RGS20: variants seen among roughly 807,000 people sequenced by gnomAD.
RGS20 encodes the protein regulator of G protein signaling 20.
A neutral mutation model predicts 33.6 loss-of-function variants in RGS20; 30 were observed. The ratio of observed to expected loss-of-function variants is 0.89; its 90% confidence interval spans 0.67 to 1.21. The LOEUF (loss-of-function observed/expected upper bound fraction) is 1.21. Among genes scored for constraint, RGS20 ranks in the 50% most tolerant of loss-of-function variants. The pLI is 0.00. For missense variants in RGS20, 472 were observed against 502.4 expected (o/e 0.94, Z 0.58); for synonymous variants, 208 against 197.9 (o/e 1.05, Z -0.43).
In RGS20 at chr8:53,880,769, G is replaced by T. The variant is rs1007598338; in HGVS notation, c.510+1167G>T. The T allele has an allele frequency of 2.5e-5, 28 of 1,099,252 alleles. No individual in the cohort carries two copies. The East Asian group carries it at 8.2e-4, about 32-fold the overall frequency. The allele number at this position is 1,099,252 out of a possible 1,614,324, so 68.1% of individuals were successfully genotyped here. A position where few individuals can be genotyped will look rare whatever the true frequency, so the allele number is the denominator to read the frequency against. On this transcript the variant is annotated intron_variant, in intron 2 of 5. Coordinates refer to ENST00000297313, the MANE Select transcript of RGS20 (RefSeq NM_170587.4). ...GTCGCGCCCCGCGTGGGGCCTCGGG[G>T]GTACCCCTAGCACCCGCGGCGGTGG...
At chr8:53,948,009 TATG>T (rs1164177283) in intron 4 of RGS20, among the ~76,000 whole-genome samples, 2 of 136,176 alleles carry the variant, frequency 1.5e-5, no homozygotes, top group Non-Finnish European at 3.0e-5. Flanking sequence ...ATGCTATATA[TATG>T]ATAGTATATA....
Position 53,879,443 on chromosome 8 carries a change from G to C in RGS20, c.351G>C (p.Ser117=), listed in dbSNP as rs1239489352. Residue 117 remains serine, a synonymous_variant, in exon 2 of 6, where the codon TCG becomes TCC. Transcript: ENST00000297313. Reference sequence around the variant, plus strand: ...CCGCCCTGCCGGCCGCCCGGCTCTCGAGGGGGCACGAGGAGCTGCCGGGCC... The same window carrying C: ...CCGCCCTGCCGGCCGCCCGGCTCTCCAGGGGGCACGAGGAGCTGCCGGGCC... 1.9e-6 allele frequency: 3 copies of C among 1,599,202 alleles called. No homozygotes were observed. Among genetic ancestry groups the C allele is most frequent in the Admixed American group, 1.7e-5 (1 of 58,044 alleles).
chr8:53,878,711 G>T (rs1812262883), intron 1 of RGS20, among the ~76,000 whole-genome samples: 1 of 151,970 alleles, frequency 6.6e-6, no homozygotes, highest in African/African-American at 2.4e-5. Flanking sequence ...ACCTTCCATA[G>T]ACAACAATCC....
At chr8:53,947,390 T>C (rs1267138453) in intron 4 of RGS20, among the ~76,000 whole-genome samples, 2 of 127,198 alleles carry the variant, frequency 1.6e-5, no homozygotes, top group East Asian at 5.2e-4. Context: ...TATTTATATA[T>C]GCTATATATA....
At chr8:53,948,203 C>G (rs1440926473) in intron 4 of RGS20, among the ~76,000 whole-genome samples, 1 of 122,254 alleles carries the variant, frequency 8.2e-6, no homozygotes, top group Non-Finnish European at 1.7e-5. Flanking sequence ...TTTACATATG[C>G]TATATATAAG....
Position 53,879,423 on chromosome 8 carries a change from C to A in RGS20, c.331C>A (p.Leu111Met). Residue 111 changes from leucine to methionine, a missense_variant, in exon 2 of 6, where the codon CTG (leucine) becomes ATG (methionine). This residue lies in a region of RGS20 where 319 missense variants were observed against 283.4 expected (regional missense o/e 1.13). Coordinates refer to ENST00000297313, the MANE Select transcript of RGS20 (RefSeq NM_170587.4). Reference sequence around the variant, plus strand: ...GGACTTCTCCCCCCTGCTTCCCGCCCTGCCGGCCGCCCGGCTCTCGAGGGG... The same window carrying A: ...GGACTTCTCCCCCCTGCTTCCCGCCATGCCGGCCGCCCGGCTCTCGAGGGG... 1 of 1,607,970 alleles carries A rather than the reference C, an allele frequency of 6.2e-7. No homozygotes were observed. The highest frequency in any genetic ancestry group is 1.1e-5 in the South Asian group (1 of 90,856).
At chr8:53,873,753 T>G (rs1409572893) in intron 1 of RGS20, among the ~76,000 whole-genome samples, 2 of 152,208 alleles carry the variant, frequency 1.3e-5, no homozygotes, top group East Asian at 1.9e-4. Flanking sequence ...CTATGTCAGA[T>G]GGTGACAAGT....
At chr8:53,883,200 A>G (rs1223479676) in intron 2 of RGS20, among the ~76,000 whole-genome samples, 1 of 149,678 alleles carries the variant, frequency 6.7e-6, no homozygotes, top group Admixed American at 6.7e-5. Context: ...CTTGTGGCCC[A>G]GGCTGGAGTG....
At chr8:53,861,693 C>T (rs889382777) in intron 1 of RGS20, among the ~76,000 whole-genome samples, 5 of 152,136 alleles carry the variant, frequency 3.3e-5, no homozygotes, top group African/African-American at 1.2e-4. Context: ...CCATCAACAT[C>T]GTATCAGGAG....
chr8:53,907,606 A>G (rs1813219580), intron 2 of RGS20, among the ~76,000 whole-genome samples: 1 of 152,118 alleles, frequency 6.6e-6, no homozygotes, highest in African/African-American at 2.4e-5. Flanking sequence ...AAAGATTTAA[A>G]GAATCTTTCC....
chr8:53,885,791 T>C (rs1333321013), intron 2 of RGS20, among the ~76,000 whole-genome samples: 1 of 80,632 alleles, frequency 1.2e-5, no homozygotes, highest in Non-Finnish European at 1.9e-5. Flanking sequence ...TATCTTACTC[T>C]TTTTTTTTTT....
chr8:53,881,350 C>T (rs1477478358), intron 2 of RGS20, among the ~76,000 whole-genome samples: 1 of 151,600 alleles, frequency 6.6e-6, no homozygotes, highest in Non-Finnish European at 1.5e-5. Flanking sequence ...AGGGCGTCCG[C>T]GATTCCACCT....
At chr8:53,889,256 C>A (rs1812634328) in intron 2 of RGS20, among the ~76,000 whole-genome samples, 2 of 151,960 alleles carry the variant, frequency 1.3e-5, no homozygotes, top group Non-Finnish European at 2.9e-5. Context: ...AGTGGTATCT[C>A]ATTATGGTTT....
chr8:53,931,088 T>A (rs1327364324), intron 2 of RGS20, among the ~76,000 whole-genome samples: 1 of 152,156 alleles, frequency 6.6e-6, no homozygotes, highest in Non-Finnish European at 1.5e-5. Flanking sequence ...TGGCTGACCG[T>A]GTGTCTCTGC....
chr8:53,904,902 T>C (rs2129281854), intron 2 of RGS20, among the ~76,000 whole-genome samples: 1 of 152,348 alleles, frequency 6.6e-6, no homozygotes, highest in Admixed American at 6.5e-5. Context: ...CAAAAGGCCA[T>C]TGTAAAAGTT....
chr8:53,920,605 T>C (rs1813615114), intron 2 of RGS20, among the ~76,000 whole-genome samples: 1 of 152,214 alleles, frequency 6.6e-6, no homozygotes, highest in East Asian at 1.9e-4. Flanking sequence ...TTTTTTCTTA[T>C]TTCTGATCTT....
intron 2 of RGS20, among the ~76,000 whole-genome samples, chr8:53,882,275 G>GA (rs1261710573): frequency 4.6e-5 from 7 of 152,228 alleles, no homozygotes; most frequent in Non-Finnish European, 7.3e-5. Flanking sequence ...CACGCTTGTG[G>GA]GGGAGTGAGT....
chr8:53,940,843 C>T (rs1814268111), intron 3 of RGS20, among the ~76,000 whole-genome samples: 1 of 152,286 alleles, frequency 6.6e-6, no homozygotes, highest in East Asian at 1.9e-4. Context: ...AGAGGAGAGG[C>T]GCTGGTGGTG....
At chr8:53,954,402 G>T in intron 5 of RGS20, 92 bp downstream of exon 4, 1 of 830,448 alleles carries the variant, frequency 1.2e-6, no homozygotes, top group Non-Finnish European at 2.0e-6. Flanking sequence ...AGTGGCTCAC[G>T]TCTGTAATCC....
Sources: allele counts gnomAD v4.1 joint callset (sites outside exome capture counted in the v4.1 genomes callset), GRCh38; gene constraint gnomAD v4.1.1; regional missense constraint gnomAD v4.1.1; transcripts MANE v1.5; gene names NCBI Gene and HGNC (gene_info 2026-07-23, HGNC 2026-07-21).